DMD: variants seen among roughly 807,000 people sequenced by gnomAD.
DMD encodes the protein mutant dystrophin.
Under a neutral mutation model 330.1 loss-of-function variants are expected in DMD, and 63 were observed. The ratio of observed to expected loss-of-function variants is 0.19; its 90% confidence interval spans 0.16 to 0.24. DMD has a LOEUF of 0.24. Ranked by LOEUF, DMD falls within the 10% of genes least tolerant of loss-of-function variation. The pLI, the probability that DMD is intolerant of heterozygous loss-of-function variation, is 1.00. For missense variants in DMD, 3,344 were observed against 2,684.1 expected (o/e 1.25, Z -5.43); for synonymous variants, 1,223 against 959.8 (o/e 1.27, Z -5.07).
At chrX:33,205,897 G>T (rs753271736) in intron 1 of DMD, among the ~76,000 whole-genome samples, 79 of 111,207 alleles carry the variant, frequency 7.1e-4, no homozygotes, top group African/African-American at 2.5e-3. Context: ...CCCATGTATG[G>T]TTTTCATATT....
chrX:33,254,935 G>A (rs752844603), intron 1 of DMD, among the ~76,000 whole-genome samples: 26 of 110,601 alleles, frequency 2.4e-4, no homozygotes, highest in African/African-American at 7.5e-4. Context: ...AACACCTCAC[G>A]TGTGCAATTA....
Position 32,302,967 on chromosome X carries a change from G to T in DMD, c.6117+7115C>A, listed in dbSNP as rs755732213. Among the ~76,000 whole-genome samples the T allele has an allele frequency of 1.6e-4, 18 of 111,047 alleles. No individual in the cohort carries two copies. The South Asian group carries it at 6.7e-3, about 41-fold the overall frequency. ...TTTTCAGGTTCCAATACAGTACTTT[G>T]CTAAACTCTCTACTCTACTGCTTAT... On this transcript the variant is annotated intron_variant, in intron 42 of 78. Transcript: ENST00000357033.
chrX:32,688,775 C>A (rs5928070), intron 9 of DMD, among the ~76,000 whole-genome samples: 1 of 110,359 alleles, frequency 9.1e-6, no homozygotes, highest in African/African-American at 3.3e-5. Flanking sequence ...TAATGTTCTT[C>A]GAAAAGTTTA....
chrX:32,565,373 C>T (rs1029485237), intron 16 of DMD, among the ~76,000 whole-genome samples: 1 of 111,682 alleles, frequency 9.0e-6, no homozygotes, highest in Non-Finnish European at 1.9e-5. Flanking sequence ...TAATGTTCCT[C>T]GTGGTTCTAG....
rs952200880 is a variant in DMD, at chrX:31,326,717, T to C, written c.9164-3059A>G. On this transcript the variant is annotated intron_variant, in intron 61 of 78. Transcript: ENST00000357033. ...ATAACACACAATTGGATGATAGTTC[T>C]ACGGAATTGGGTTCAGTGCTCCTTC... Among the ~76,000 whole-genome samples, 3 of 111,608 alleles carry C rather than the reference T, an allele frequency of 2.7e-5. No homozygotes were observed. In the Admixed American group the frequency reaches 2.9e-4, roughly 11 times the overall value.
intron 7 of DMD, among the ~76,000 whole-genome samples, chrX:32,803,753 T>A (rs190833893): frequency 3.0e-4 from 34 of 112,405 alleles, no homozygotes; most frequent in Non-Finnish European, 5.6e-4. Context: ...TTGTTCAGCT[T>A]CCATGTAGTT....
intron 59 of DMD, 71 bp downstream of exon 59, chrX:31,478,035 T>C: frequency 8.9e-7 from 1 of 1,117,875 alleles, no homozygotes; most frequent in Non-Finnish European, 1.2e-6. Context: ...AAGATAACAC[T>C]GCACTCAAGT....
intron 44 of DMD, among the ~76,000 whole-genome samples, chrX:32,120,624 GT>G (rs941910243): frequency 4.5e-5 from 5 of 111,867 alleles, no homozygotes; most frequent in Non-Finnish European, 9.4e-5. Flanking sequence ...GGGAAAAAAT[GT>G]TTAATGAATT....
chrX:31,276,324 G>T (rs1364738235), intron 62 of DMD, among the ~76,000 whole-genome samples: 1 of 112,207 alleles, frequency 8.9e-6, no homozygotes, highest in Admixed American at 9.4e-5. Flanking sequence ...CTCCCAAAGT[G>T]TAGGGATTAC....
chrX:31,595,414 A>G (rs2077066757), intron 55 of DMD, among the ~76,000 whole-genome samples: 1 of 111,181 alleles, frequency 9.0e-6, no homozygotes, highest in African/African-American at 3.3e-5. Context: ...AACAAGTACC[A>G]ATAAATAGCA....
At chrX:32,974,417 A>T (rs1246073970) in intron 2 of DMD, among the ~76,000 whole-genome samples, 1 of 111,466 alleles carries the variant, frequency 9.0e-6, no homozygotes. Flanking sequence ...ACTGAATTGT[A>T]CACTTCTAGA....
intron 29 of DMD, among the ~76,000 whole-genome samples, chrX:32,435,298 T>TATATATATATATATA (rs1158324376): frequency 3.6e-4 from 22 of 61,686 alleles, no homozygotes; most frequent in African/African-American, 9.9e-4. Flanking sequence ...ATATATATAT[T>TATATATATATATATA]TACACCCATA....
chrX:31,791,148 A>G (rs998757632), intron 50 of DMD, among the ~76,000 whole-genome samples: 30 of 111,387 alleles, frequency 2.7e-4, no homozygotes, highest in African/African-American at 9.8e-4. Flanking sequence ...ATTACTCTTA[A>G]CCAAATATCT....
intron 1 of DMD, among the ~76,000 whole-genome samples, chrX:33,165,714 C>A (rs1390799798): frequency 9.0e-6 from 1 of 111,238 alleles, no homozygotes; most frequent in African/African-American, 3.3e-5. Context: ...CATATTTATA[C>A]AAACAGAATA....
At chrX:32,076,383 CT>C (rs770728145) in intron 44 of DMD, among the ~76,000 whole-genome samples, 1,540 of 90,770 alleles carry the variant, frequency 0.017, 24 homozygotes, top group African/African-American at 0.055. Flanking sequence ...TTCTTTCTTT[CT>C]TTTTTTTTTT....
intron 60 of DMD, among the ~76,000 whole-genome samples, chrX:31,380,897 C>G (rs768392189): frequency 7.1e-4 from 79 of 110,763 alleles, no homozygotes; most frequent in African/African-American, 2.5e-3. Context: ...TTACTTCAGT[C>G]AAGCCCAAAT....
intron 12 of DMD, among the ~76,000 whole-genome samples, chrX:32,609,624 T>A (rs956712290): frequency 9.0e-6 from 1 of 111,424 alleles, no homozygotes; most frequent in Non-Finnish European, 1.9e-5. Context: ...AACATCTAGA[T>A]CATTTTAAAG....
At chrX:32,535,154 C>A (rs946674395) in intron 17 of DMD, among the ~76,000 whole-genome samples, 2 of 111,374 alleles carry the variant, frequency 1.8e-5, no homozygotes, top group South Asian at 3.8e-4. Flanking sequence ...CATATACATT[C>A]CATTTCAGGG....
chrX:32,477,200 A>T (rs2041323612), intron 21 of DMD, among the ~76,000 whole-genome samples: 1 of 111,253 alleles, frequency 9.0e-6, no homozygotes, highest in Non-Finnish European at 1.9e-5. Flanking sequence ...CAAAATGAAA[A>T]TCAATATAAG....
Sources: allele counts gnomAD v4.1 joint callset (sites outside exome capture counted in the v4.1 genomes callset), GRCh38; gene constraint gnomAD v4.1.1; transcripts MANE v1.5; gene names NCBI Gene and HGNC (gene_info 2026-07-23, HGNC 2026-07-21).